ZNF529: variants seen among roughly 807,000 people sequenced by gnomAD.
The protein encoded by ZNF529 is zinc finger protein 529.
A neutral mutation model predicts 10.1 loss-of-function variants in ZNF529; 11 were observed. The ratio of observed to expected loss-of-function variants is 1.09; its 90% CI spans 0.69 to 1.81. The LOEUF is 1.81. ZNF529 is among the 40% of genes most tolerant of loss of function. The probability of loss-of-function intolerance (pLI) is 0.00; values close to 1 mark genes in which losing one functional copy is unlikely to be tolerated. For missense variants in ZNF529, 624 were observed against 666.8 expected, an observed-to-expected ratio of 0.94 and a Z score of 0.71; for synonymous variants, 204 against 215.7, an observed-to-expected ratio of 0.95 and a Z score of 0.47.
At position 36,546,089 on chromosome 19, in the gene ZNF529, A is replaced by C. The variant is rs1415507287; in HGVS notation, c.*777T>G. 6.8e-6 allele frequency: 1 copy of C among 147,780 alleles called. No individual in the cohort carries two copies. Among genetic ancestry groups the C allele is most frequent in the East Asian group, 2.0e-4 (1 of 5,078 alleles). The allele number at this position is 147,780 out of a possible 1,614,324, so 9.2% of individuals were successfully genotyped here. On this transcript the variant is annotated 3_prime_UTR_variant, in exon 5 of 5. Coordinates refer to ENST00000591340, the MANE Select transcript of ZNF529 (RefSeq NM_020951.5). The stretch of plus-strand genomic sequence containing the variant: ...TATATATATATATATATAGTGTGTT[A>C]TGTAGTGCATGTGTGGGCATATATA...
chr19:36,572,692 T>C (rs1484751520), intron 1 of ZNF529, among the ~76,000 whole-genome samples: 1 of 151,012 alleles, frequency 6.6e-6, no homozygotes, highest in East Asian at 1.9e-4. Flanking sequence ...CCTTCACGTC[T>C]TCCCAGGAAA....
chr19:36,592,554 G>A (rs1448802528), intron 1 of ZNF529, among the ~76,000 whole-genome samples: 4 of 145,044 alleles, frequency 2.8e-5, no homozygotes, highest in African/African-American at 5.1e-5. Flanking sequence ...AGATCACGCC[G>A]CTGCAATCCA....
intron 2 of ZNF529, among the ~76,000 whole-genome samples, chr19:36,567,138 T>C (rs1256495586): frequency 3.9e-5 from 6 of 152,148 alleles, no homozygotes; most frequent in Admixed American, 3.3e-4. Context: ...GGGCACGGAA[T>C]ATGGATAGAT....
chr19:36,589,784 T>C (rs1159720088), intron 1 of ZNF529: 4 of 151,882 alleles, frequency 2.6e-5, no homozygotes, highest in African/African-American at 7.3e-5. Flanking sequence ...TTTTGCACAA[T>C]AATGCACCTA....
At chr19:36,563,149 C>T (rs1265210483) in intron 2 of ZNF529, among the ~76,000 whole-genome samples, 4 of 151,980 alleles carry the variant, frequency 2.6e-5, no homozygotes, top group East Asian at 1.9e-4. Flanking sequence ...GTGCCAGGCG[C>T]GGTGGCTCAC....
intron 2 of ZNF529, among the ~76,000 whole-genome samples, chr19:36,571,557 C>T (rs1045547139): frequency 2.6e-5 from 4 of 151,900 alleles, no homozygotes; most frequent in South Asian, 2.1e-4. Context: ...CGCCTGTAAT[C>T]CCAGCTACTT....
rs1370911242 is a variant in ZNF529 at position 36,544,218 on chromosome 19, C to T, written c.*2648G>A. 2 of 151,854 alleles carry T rather than the reference C, an allele frequency of 1.3e-5. No homozygotes were observed. The highest frequency in any genetic ancestry group is 2.4e-5 in the African/African-American group (1 of 41,318). 9.4% of individuals were successfully genotyped at this position (151,854 alleles called of 1,614,324 possible). On this transcript the variant is annotated 3_prime_UTR_variant, in exon 5 of 5. Transcript: ENST00000591340. ...ACCAATAATAATTATATTATGGTTT[C>T]GAGTAAGTGTGAAATGCCATAAGTT...
At chr19:36,575,759 A>G (rs2036300310), upstream of ZNF529, among the ~76,000 whole-genome samples, 1 of 152,158 alleles carries the variant, frequency 6.6e-6, no homozygotes, top group African/African-American at 2.4e-5. Context: ...ATTAGGATTT[A>G]ATAGTAAATG....
At chr19:36,595,297 A>G (rs1286003665) in intron 1 of ZNF529, among the ~76,000 whole-genome samples, 1 of 152,216 alleles carries the variant, frequency 6.6e-6, no homozygotes, top group East Asian at 1.9e-4. Context: ...GACAATATTT[A>G]CAAAGAACTC....
intron 2 of ZNF529, among the ~76,000 whole-genome samples, 163 bp downstream of exon 2, chr19:36,572,170 G>T (rs1296730200): frequency 1.3e-5 from 2 of 151,216 alleles, no homozygotes; most frequent in Admixed American, 1.3e-4. Flanking sequence ...AAGCACATGG[G>T]AGAATTGAAT....
chr19:36,561,118 T>C (rs1400358075), intron 2 of ZNF529, among the ~76,000 whole-genome samples: 2 of 152,098 alleles, frequency 1.3e-5, no homozygotes, highest in African/African-American at 4.8e-5. Context: ...TGCGAGGGCC[T>C]TGAAGGCAGG....
chr19:36,587,352 ATTTAT>A (rs1321445321), intron 2 of ZNF529: 1 of 152,154 alleles, frequency 6.6e-6, no homozygotes, highest in Non-Finnish European at 1.5e-5. Context: ...GATGGCTATA[ATTTAT>A]TTTAAAGTGT....
intron 2 of ZNF529, among the ~76,000 whole-genome samples, chr19:36,568,207 T>C (rs183359106): frequency 2.0e-5 from 3 of 152,306 alleles, no homozygotes; most frequent in Non-Finnish European, 1.5e-5. Flanking sequence ...AATATCTTTG[T>C]AAGGGTCTGG....
chr19:36,556,416 G>C (rs2035476859), intron 2 of ZNF529, among the ~76,000 whole-genome samples: 1 of 152,156 alleles, frequency 6.6e-6, no homozygotes, highest in Non-Finnish European at 1.5e-5. Context: ...CAAGGGCATG[G>C]GGCTTCTTCA....
chr19:36,599,915 C>G (rs1006231287), intron 1 of ZNF529, among the ~76,000 whole-genome samples: 2 of 151,390 alleles, frequency 1.3e-5, no homozygotes, highest in Admixed American at 6.6e-5. Context: ...GTTGCCCAGG[C>G]TGGAATGTAG....
chr19:36,576,317 C>T (rs2036316266), upstream of ZNF529, among the ~76,000 whole-genome samples: 1 of 152,180 alleles, frequency 6.6e-6, no homozygotes. Context: ...ATTTGCCTAC[C>T]ATGAAACTTC....
Position 36,547,205 on chromosome 19 carries a change from T to C in ZNF529, c.1353A>G (p.Glu451=). ...TAAAGAACTTTCCACACTCCTTACA[T>C]TCATAAGGTTTTTGACCACTGTGAA... ...ERIHSGQKPY[E]CKECGKFFRL... The change falls in exon 5 of 5, where the codon GAA becomes GAG. Residue 451 remains glutamate, a synonymous_variant. Coordinates refer to ENST00000591340, the MANE Select transcript of ZNF529 (RefSeq NM_020951.5). 6.2e-7 allele frequency: 1 copy of C among 1,613,838 alleles called. No homozygotes were observed. Among genetic ancestry groups the C allele is most frequent in the Non-Finnish European group, 8.5e-7 (1 of 1,179,832 alleles).
At position 36,547,106 on chromosome 19, in the gene ZNF529, C is replaced by T; in HGVS notation, c.1452G>A (p.Gly484=). 1 of 1,613,864 alleles carries T rather than the reference C, an allele frequency of 6.2e-7. No homozygotes were observed. The highest frequency in any genetic ancestry group is 1.1e-5 in the South Asian group (1 of 91,066). The stretch of plus-strand genomic sequence containing the variant: ...GGGCTGAACTATGTCTAAAGGCCTT[C>T]CCACATACCTTACATTCATAAGGTT... ...GEKPYECKVC[G]KAFRHSSALT... is the part of the protein sequence containing the mutation. Residue 484 remains glycine (G), a synonymous_variant, in exon 5 of 5, where the codon GGG becomes GGA. Coordinates refer to ENST00000591340, the MANE Select transcript of ZNF529 (RefSeq NM_020951.5).
At chr19:36,572,244 A>G in intron 2 of ZNF529, 89 bp downstream of exon 2, 1 of 1,384,428 alleles carries the variant, frequency 7.2e-7, no homozygotes, top group Non-Finnish European at 1.0e-6. Flanking sequence ...AAGGCAATGG[A>G]GGACAAGGGG....
Sources: gnomAD v4.1 joint callset for allele counts (sites outside exome capture counted in the v4.1 genomes callset) on GRCh38, gnomAD v4.1.1 for gene constraint, MANE v1.5 for transcripts, NCBI Gene and HGNC (gene_info 2026-07-23, HGNC 2026-07-21) for gene names.